PHKG2: variants seen among roughly 807,000 people sequenced by gnomAD.
The protein encoded by PHKG2 is phosphorylase kinase catalytic subunit gamma 2.
A neutral mutation model predicts 44.5 loss-of-function variants in PHKG2; 28 were observed. The observed-to-expected ratio is 0.63, with a 90% confidence interval of 0.47 to 0.86. PHKG2 has a LOEUF of 0.86. Among genes scored for constraint, PHKG2 ranks in the 40% least tolerant of loss-of-function variants. PHKG2 has a pLI of 0.00. For synonymous variants in PHKG2, 220 were observed against 211.2 expected, an observed-to-expected ratio of 1.04 and a Z score of -0.36; for missense variants, 498 against 547.5, an observed-to-expected ratio of 0.91 and a Z score of 0.90.
In PHKG2 at chr16:30,757,273, G is replaced by A. The variant is rs1392326739; in HGVS notation, c.*176G>A. The A allele has an allele frequency of 6.5e-7, 1 of 1,550,358 alleles. No homozygotes were observed. Among genetic ancestry groups the A allele is most frequent in the Non-Finnish European group, 8.6e-7 (1 of 1,156,954 alleles). The stretch of plus-strand genomic sequence containing the variant: ...GGCCAGGACTCTGAGATCAGAGCTG[G>A]GGTGGAAGGGAGCCATTCTGAACGC... On this transcript the variant is annotated 3_prime_UTR_variant, in exon 10 of 10. Coordinates refer to ENST00000563588, the MANE Select transcript of PHKG2 (RefSeq NM_000294.3).
rs533260900 is a variant in PHKG2, at chr16:30,759,129, T to C, written c.*2032T>C. ...GCAAACCAGAAGCAGGAAGAGACTG[T>C]GGCCCCAGGCCTGGCCCAGCCCAGC... On this transcript the variant is annotated 3_prime_UTR_variant, in exon 10 of 10. Transcript: ENST00000563588. 1.2e-5 allele frequency: 19 copies of C among 1,614,202 alleles called. No homozygotes were observed.
In PHKG2 at chr16:30,759,090, TTTC is replaced by T. The variant is rs2053562550; in HGVS notation, c.*1999_*2001del. On this transcript the variant is annotated 3_prime_UTR_variant, in exon 10 of 10. Transcript: ENST00000563588. ...ACTGCCTGCTCCTCCATCTCCTTGC[TTTC>T]TTCTTTCTCTGCAAACCAGAAGCAG... 2.5e-6 allele frequency: 4 copies of T among 1,614,220 alleles called. No homozygotes were observed. In the Admixed American group the frequency reaches 6.7e-5, roughly 27 times the overall value.
chr16:30,755,355 A>C (rs2053403114), intron 6 of PHKG2: 1 of 158,820 alleles, frequency 6.3e-6, no homozygotes, highest in South Asian at 1.8e-4. Context: ...GGTTTTAAAC[A>C]AAGGACTTAC....
Position 30,750,996 on chromosome 16 carries a change from A to G in PHKG2, c.96-110A>G, listed in dbSNP as rs144989519. On this transcript the variant is annotated intron_variant, in intron 2 of 9. Transcript: ENST00000563588. ...TCCTAAGCTTGTTGCCCTGTGATCC[A>G]GATGGGTCTTCAGAGTCTGGCACAG... 131 of 1,149,872 alleles carry G rather than the reference A, an allele frequency of 1.1e-4. No individual in the cohort carries two copies. In the African/African-American group the frequency reaches 1.7e-3, roughly 15 times the overall value. The allele number at this position is 1,149,872 out of a possible 1,614,324, so 71.2% of individuals were successfully genotyped here.
chr16:30,753,112 G>C lies in PHKG2; in HGVS notation c.327-120G>C, dbSNP rs1394269872. ...GAGTGCTGTGTTTCTAGACCCTTTG[G>C]TTTGTCTGCAGAGATCTATCTTTAG... On this transcript the variant is annotated intron_variant, in intron 4 of 9. Transcript: ENST00000563588. The C allele has an allele frequency of 4.8e-6, 4 of 826,768 alleles. No individual in the cohort carries two copies. The East Asian group carries it at 1.0e-4, about 22-fold the overall frequency. The allele number at this position is 826,768 out of a possible 1,614,324, so 51.2% of individuals were successfully genotyped here. A position where few individuals can be genotyped will look rare whatever the true frequency, so the allele number is the denominator to read the frequency against.
rs1339920802 is a variant in PHKG2, at chr16:30,761,167, T to C, written c.*4070T>C. On this transcript the variant is annotated 3_prime_UTR_variant, in exon 10 of 10. Coordinates refer to ENST00000563588, the MANE Select transcript of PHKG2 (RefSeq NM_000294.3). ...GGGGAGACAATAAAGAACGCAAATA[T>C]TCAGTGTAATTTTTGTCTCTTCACA... 1 of 1,611,684 alleles carries C rather than the reference T, an allele frequency of 6.2e-7. No homozygotes were observed.
chr16:30,752,714 A>T (rs570020024), intron 4 of PHKG2: 1 of 188,246 alleles, frequency 5.3e-6, no homozygotes, highest in African/African-American at 2.4e-5. Flanking sequence ...GCCATCCTGC[A>T]GCCATGCAGA....
chr16:30,753,127 T>C, intron 4 of PHKG2, 105 bp from the exon 5 acceptor site: 1 of 900,146 alleles, frequency 1.1e-6, no homozygotes, highest in South Asian at 1.4e-5. Context: ...TCTGCAGAGA[T>C]CTATCTTTAG....
rs1352523766 is a variant in PHKG2, at chr16:30,748,837, G to A, written c.17G>A (p.Gly6Glu). 69 of 1,552,370 alleles carry A rather than the reference G, an allele frequency of 4.4e-5. No homozygotes were observed. The highest frequency in any genetic ancestry group is 6.0e-5 in the Non-Finnish European group (69 of 1,147,478). ...TCCTTCAGGATGACGCTGGACGTGG[G>A]GCCGGAGGATGAGCTGCCCGACTGG... MTLDVGPEDELPDWAA... is the reference protein window; with the variant it reads MTLDVEPEDELPDWAA... The change falls in exon 2 of 10, where the codon GGG (glycine) becomes GAG (glutamate). Residue 6 changes from glycine to glutamate, a missense_variant. Gly to Glu is a moderately conservative substitution (Grantham distance 98, BLOSUM62 -2). Coordinates refer to ENST00000563588, the MANE Select transcript of PHKG2 (RefSeq NM_000294.3).
At chr16:30,755,749 A>C (rs573411357) in intron 6 of PHKG2, among the ~76,000 whole-genome samples, 1 of 152,220 alleles carries the variant, frequency 6.6e-6, no homozygotes, top group Admixed American at 6.5e-5. Flanking sequence ...AGATTATAGG[A>C]GGAGGAAGAG....
chr16:30,754,058 T>C (rs2151308506), intron 6 of PHKG2, among the ~76,000 whole-genome samples: 1 of 152,332 alleles, frequency 6.6e-6, no homozygotes, highest in Non-Finnish European at 1.5e-5. Flanking sequence ...CTTCAGAGCC[T>C]TTAGTCTGCC....
In PHKG2 at chr16:30,757,575, C is replaced by A; in HGVS notation, c.*478C>A. ...GCCTTTCCTCGCTGGCCTTGAGCCG[C>A]TCCTCCACCAGCCCCTGGAGCTGCT... On this transcript the variant is annotated 3_prime_UTR_variant, in exon 10 of 10. Coordinates refer to ENST00000563588, the MANE Select transcript of PHKG2 (RefSeq NM_000294.3). 1 of 1,614,222 alleles carries A rather than the reference C, an allele frequency of 6.2e-7. No homozygotes were observed.
In PHKG2 at chr16:30,760,590, C is replaced by T. The variant is rs2053693172; in HGVS notation, c.*3493C>T. The T allele has an allele frequency of 6.4e-7, 1 of 1,560,196 alleles. No individual in the cohort carries two copies. ...CCTTTGCCAAGAGCTCTTCCCACGC[C>T]CCCCTCAGTCCCTACTCCCTCATCT... is the stretch of plus-strand genomic sequence containing the variant. On this transcript the variant is annotated 3_prime_UTR_variant, in exon 10 of 10. Coordinates refer to ENST00000563588, the MANE Select transcript of PHKG2 (RefSeq NM_000294.3).
rs911665972 is a variant in PHKG2 at position 30,757,936 on chromosome 16, A to G, written c.*839A>G. On this transcript the variant is annotated 3_prime_UTR_variant, in exon 10 of 10. Coordinates refer to ENST00000563588, the MANE Select transcript of PHKG2 (RefSeq NM_000294.3). ...TCTGTGCCTCAGTTTCCTTGTATGAAATGTGGATAGTGATACCTAGCACAT... is the reference window on the plus strand; with the variant it reads ...TCTGTGCCTCAGTTTCCTTGTATGAGATGTGGATAGTGATACCTAGCACAT... The G allele has an allele frequency of 2.4e-5, 16 of 656,098 alleles. No individual in the cohort carries two copies. The highest frequency in any genetic ancestry group is 3.6e-5 in the Non-Finnish European group (16 of 449,520). The allele number at this position is 656,098 out of a possible 1,614,324, so 40.6% of individuals were successfully genotyped here. A position where few individuals can be genotyped will look rare whatever the true frequency, so the allele number is the denominator to read the frequency against.
rs2053478367 is a variant in PHKG2, at chr16:30,757,752, G to A, written c.*655G>A. ...GGCAAACAGTCCCCAAATTTCCCCTGGTGGGGATATAGAGGTAGCAATGTT... is the reference window on the plus strand; with the variant it reads ...GGCAAACAGTCCCCAAATTTCCCCTAGTGGGGATATAGAGGTAGCAATGTT... On this transcript the variant is annotated 3_prime_UTR_variant, in exon 10 of 10. Coordinates refer to ENST00000563588, the MANE Select transcript of PHKG2 (RefSeq NM_000294.3). 1 of 1,482,526 alleles carries A rather than the reference G, an allele frequency of 6.7e-7. No homozygotes were observed. 91.8% of individuals were successfully genotyped at this position (1,482,526 alleles called of 1,614,324 possible). A position where few individuals can be genotyped will look rare whatever the true frequency, so the allele number is the denominator to read the frequency against.
Position 30,756,668 on chromosome 16 carries a change from T to C in PHKG2, c.880T>C (p.Cys294Arg), listed in dbSNP as rs892268724. 6.2e-7 allele frequency: 1 copy of C among 1,613,978 alleles called. No individual in the cohort carries two copies. The highest frequency in any genetic ancestry group is 8.5e-7 in the Non-Finnish European group (1 of 1,180,000). ...QALQHPFFERCEGSQPWNLTP... is the reference protein window; with the variant it reads ...QALQHPFFERREGSQPWNLTP... ...CCTACAGCACCCCTTCTTTGAGCGT[T>C]GTGAAGGCAGCCAACCCTGGAACCT... The change falls in exon 9 of 10, where the codon TGT (cysteine) becomes CGT (arginine). Residue 294 changes from cysteine (C) to arginine (R), a missense_variant. By Grantham distance (180) the Cys-to-Arg change is radical (BLOSUM62 -3). Coordinates refer to ENST00000563588, the MANE Select transcript of PHKG2 (RefSeq NM_000294.3).
rs149242536 is a variant in PHKG2 at position 30,757,697 on chromosome 16, G to A, written c.*600G>A. 319 of 1,567,248 alleles carry A rather than the reference G, an allele frequency of 2.0e-4. No homozygotes were observed. In the African/African-American group the frequency reaches 2.4e-3, roughly 12 times the overall value. ...AAGGGGCAGGGTGAGGAGAGATGCT[G>A]TCTGGCAATGGGGGGATGGTCCCTA... is the stretch of plus-strand genomic sequence containing the variant. On this transcript the variant is annotated 3_prime_UTR_variant, in exon 10 of 10. Transcript: ENST00000563588.
Position 30,756,689 on chromosome 16 carries a change from AACCTC to A in PHKG2, c.905_909del (p.Leu302ProfsTer85). ...GCGTTGTGAAGGCAGCCAACCCTGG[AACCTC>A]ACCCCCCGCCAGCGGTTCCGGGTAA... On this transcript the variant is annotated frameshift_variant, in exon 9 of 10. Transcript: ENST00000563588. LOFTEE classifies it high-confidence loss of function. 6.2e-7 allele frequency: 1 copy of A among 1,614,040 alleles called. No individual in the cohort carries two copies. Among genetic ancestry groups the A allele is most frequent in the Non-Finnish European group, 8.5e-7 (1 of 1,180,016 alleles).
In PHKG2 at chr16:30,757,666, G is replaced by GGGA. The variant is rs1567265913; in HGVS notation, c.*570_*572dup. On this transcript the variant is annotated 3_prime_UTR_variant, in exon 10 of 10. Coordinates refer to ENST00000563588, the MANE Select transcript of PHKG2 (RefSeq NM_000294.3). Reference sequence around the variant, plus strand: ...GACGTGGATGTGGCCTGCAGGGGCAGGGAAGAAGGGGCAGGGTGAGGAGAG... The same window carrying GGGA: ...GACGTGGATGTGGCCTGCAGGGGCAGGGAGGAAGAAGGGGCAGGGTGAGGAGAG... The GGGA allele has an allele frequency of 6.2e-7, 1 of 1,605,432 alleles. No individual in the cohort carries two copies. Among genetic ancestry groups the GGGA allele is most frequent in the South Asian group, 1.1e-5 (1 of 90,316 alleles).
Sources: allele counts gnomAD v4.1 joint callset (sites outside exome capture counted in the v4.1 genomes callset), GRCh38; gene constraint gnomAD v4.1.1; transcripts MANE v1.5; gene names NCBI Gene and HGNC (gene_info 2026-07-23, HGNC 2026-07-21).